Variants in MIOX observed in about 807,000 individuals in gnomAD.
MIOX encodes inositol oxygenase.
In MIOX, 51 loss-of-function variants were observed where a neutral mutation model predicts 42.7. The observed-to-expected ratio is 1.19, with a 90% CI of 0.95 to 1.51. MIOX has a LOEUF of 1.51. Ranked by LOEUF, MIOX falls within the 40% of genes most tolerant of loss-of-function variation. MIOX has a pLI of 0.00. For synonymous variants in MIOX, 168 were observed against 154.4 expected, an observed-to-expected ratio of 1.09 and a Z score of -0.65; for missense variants, 395 against 381.3, an observed-to-expected ratio of 1.04 and a Z score of -0.30.
Position 50,489,123 on chromosome 22 carries a change from C to T in MIOX, c.492C>T (p.Asn164=), listed in dbSNP as rs1286668942. 3 of 1,613,386 alleles carry T rather than the reference C, an allele frequency of 1.9e-6. No individual in the cohort carries two copies. In the Admixed American group the frequency reaches 5.0e-5, roughly 27 times the overall value. ...TCTGCGACTCCACCTTCCAGGACAA[C>T]CCTGACCTCCAGGATCCTCGATACA... ...VVFCDSTFQD[N]PDLQDPRYST... Residue 164 remains asparagine (N), a synonymous_variant, in exon 6 of 10, where the codon AAC becomes AAT. Coordinates refer to ENST00000216075, the MANE Select transcript of MIOX (RefSeq NM_017584.6).
intron 4 of MIOX, 31 bp downstream of exon 4, chr22:50,488,079 G>A (rs779642559): frequency 1.9e-6 from 3 of 1,612,090 alleles, no homozygotes; most frequent in East Asian, 2.2e-5. Context: ...AGGGGGGCAG[G>A]TGCTGCCTCC....
At chr22:50,487,518 C>A (rs1016948793) in intron 2 of MIOX, 53 bp downstream of exon 2, 2 of 1,566,036 alleles carry the variant, frequency 1.3e-6, no homozygotes, top group Non-Finnish European at 1.8e-6. Context: ...CCCTGGGGAG[C>A]AGCACTTGCC....
rs753543773 is a variant in MIOX at position 50,489,316 on chromosome 22, TGGGGCGGTGG to T, written c.586+35_586+44del. The T allele has an allele frequency of 8.6e-5, 72 of 836,542 alleles. No individual in the cohort carries two copies. The East Asian group carries it at 5.3e-3, about 62-fold the overall frequency. 51.8% of individuals were successfully genotyped at this position (836,542 alleles called of 1,614,324 possible). A position where few individuals can be genotyped will look rare whatever the true frequency, so the allele number is the denominator to read the frequency against. ...TGATGGTGAGGCCAGAGGCGGGCAG[TGGGGCGGTGG>T]GGGGCGGTGGGGGACGGTGGGGGGC... On this transcript the variant is annotated intron_variant, in intron 7 of 9. Coordinates refer to ENST00000216075, the MANE Select transcript of MIOX (RefSeq NM_017584.6).
intron 1 of MIOX, 48 bp from the exon 2 acceptor site, chr22:50,487,337 G>A (rs771376615): frequency 3.9e-5 from 58 of 1,500,392 alleles, no homozygotes; most frequent in Non-Finnish European, 4.4e-5. Flanking sequence ...GTGCTTCCTC[G>A]TGGAGCTGAC....
At position 50,489,901 on chromosome 22, in the gene MIOX, C is replaced by T. The variant is rs566911453; in HGVS notation, c.*45C>T. 16 of 1,567,074 alleles carry T rather than the reference C, an allele frequency of 1.0e-5. No homozygotes were observed. The highest frequency in any genetic ancestry group is 6.7e-5 in the East Asian group (3 of 44,694). Reference sequence around the variant, plus strand: ...GCTGCTGGACCTAGGCCTGGCCCTCCGCCTGCCTGGAGAGGCCTGGCCCTG... The same window carrying T: ...GCTGCTGGACCTAGGCCTGGCCCTCTGCCTGCCTGGAGAGGCCTGGCCCTG... On this transcript the variant is annotated 3_prime_UTR_variant, in exon 10 of 10. Coordinates refer to ENST00000216075, the MANE Select transcript of MIOX (RefSeq NM_017584.6).
chr22:50,487,499 C>G (rs1337122463), intron 2 of MIOX, 34 bp downstream of exon 2: 7 of 1,600,190 alleles, frequency 4.4e-6, no homozygotes, highest in Non-Finnish European at 6.0e-6. Context: ...CCCTTCTCCC[C>G]CATCCACACC....
Position 50,489,216 on chromosome 22 carries a change from A to G in MIOX, c.519-12A>G. On this transcript the variant is annotated splice_polypyrimidine_tract_variant and intron_variant, in intron 6 of 9. Transcript: ENST00000216075. ...GCTGCTGAGCCCTCCTCACCCTGGT[A>G]TCTCACTGCAGCACAGAGCTCGGGA... 1 of 1,610,470 alleles carries G rather than the reference A, an allele frequency of 6.2e-7. No homozygotes were observed. The highest frequency in any genetic ancestry group is 8.5e-7 in the Non-Finnish European group (1 of 1,179,702).
At chr22:50,489,204 C>T in intron 6 of MIOX, 24 bp from the exon 7 acceptor site, 1 of 1,611,330 alleles carries the variant, frequency 6.2e-7, no homozygotes, top group East Asian at 2.2e-5. Context: ...GCTGAGCCCT[C>T]CTCACCCTGG....
chr22:50,487,010 C>A, intron 1 of MIOX, 98 bp downstream of exon 1: 1 of 1,499,690 alleles, frequency 6.7e-7, no homozygotes. Flanking sequence ...CAGCCCTCCT[C>A]CTCCGTCCAG....
At chr22:50,487,292 C>G in intron 1 of MIOX, 93 bp from the exon 2 acceptor site, 1 of 1,057,936 alleles carries the variant, frequency 9.5e-7, no homozygotes, top group Non-Finnish European at 1.4e-6. Context: ...CGAGCAGAGG[C>G]AGGCTTGGAG....
Position 50,489,933 on chromosome 22 carries a change from C to A in MIOX, c.*77C>A. On this transcript the variant is annotated 3_prime_UTR_variant, in exon 10 of 10. Coordinates refer to ENST00000216075, the MANE Select transcript of MIOX (RefSeq NM_017584.6). ...CTGGAGAGGCCTGGCCCTGGGCAAACAGCCGCCATCAGGGTTCACCTCGGT... is the reference window on the plus strand; with the variant it reads ...CTGGAGAGGCCTGGCCCTGGGCAAAAAGCCGCCATCAGGGTTCACCTCGGT... The A allele has an allele frequency of 7.2e-7, 1 of 1,386,548 alleles. No individual in the cohort carries two copies. Among genetic ancestry groups the A allele is most frequent in the Non-Finnish European group, 1.0e-6 (1 of 990,216 alleles). The allele number at this position is 1,386,548 out of a possible 1,614,324, so 85.9% of individuals were successfully genotyped here. A position where few individuals can be genotyped will look rare whatever the true frequency, so the allele number is the denominator to read the frequency against.
Position 50,489,541 on chromosome 22 carries a change from A to G in MIOX, c.646A>G (p.Met216Val), listed in dbSNP as rs2068332401. The G allele has an allele frequency of 3.7e-6, 6 of 1,612,558 alleles. No individual in the cohort carries two copies. Among genetic ancestry groups the G allele is most frequent in the Non-Finnish European group, 5.1e-6 (6 of 1,179,868 alleles). ...KFSLPPEAFYMIRFHSFYPWH... is the reference protein window; with the variant it reads ...KFSLPPEAFYVIRFHSFYPWH... ...GTGGCCTTGCCCGCAGGCTTTCTACATGATCCGGTTCCACTCCTTCTACCC... is the reference window on the plus strand; with the variant it reads ...GTGGCCTTGCCCGCAGGCTTTCTACGTGATCCGGTTCCACTCCTTCTACCC... The change falls in exon 9 of 10, where the codon ATG becomes GTG. Residue 216 changes from methionine to valine, a missense_variant. By Grantham distance (21) the Met-to-Val change is conservative. Coordinates refer to ENST00000216075, the MANE Select transcript of MIOX (RefSeq NM_017584.6).
chr22:50,487,166 T>G (rs1404228229), intron 1 of MIOX, among the ~76,000 whole-genome samples: 1 of 152,166 alleles, frequency 6.6e-6, no homozygotes, highest in South Asian at 2.1e-4. Flanking sequence ...CTGCTGACTT[T>G]CGCTTTGCAG....
Position 50,489,543 on chromosome 22 carries a change from G to A in MIOX, c.648G>A (p.Met216Ile). 1 of 1,612,708 alleles carries A rather than the reference G, an allele frequency of 6.2e-7. No homozygotes were observed. The highest frequency in any genetic ancestry group is 8.5e-7 in the Non-Finnish European group (1 of 1,179,866). ...KFSLPPEAFYMIRFHSFYPWH... is the reference protein window; with the variant it reads ...KFSLPPEAFYIIRFHSFYPWH... ...GGCCTTGCCCGCAGGCTTTCTACATGATCCGGTTCCACTCCTTCTACCCCT... is the reference window on the plus strand; with the variant it reads ...GGCCTTGCCCGCAGGCTTTCTACATAATCCGGTTCCACTCCTTCTACCCCT... The change falls in exon 9 of 10, where the codon ATG becomes ATA. Residue 216 changes from methionine to isoleucine, a missense_variant. By Grantham distance (10) the Met-to-Ile change is conservative. Coordinates refer to ENST00000216075, the MANE Select transcript of MIOX (RefSeq NM_017584.6).
rs145084575 is a variant in MIOX at position 50,489,091 on chromosome 22, G to A, written c.460G>A (p.Val154Met). 2.2e-5 allele frequency: 35 copies of A among 1,612,580 alleles called. No homozygotes were observed. The highest frequency in any genetic ancestry group is 5.4e-5 in the African/African-American group (4 of 74,694). The part of the protein sequence containing the change: ...FPVGCRPQAS[V>M]VFCDSTFQDN... ...CGTCGGATGCCGTCCGCAGGCCTCC[G>A]TGGTTTTCTGCGACTCCACCTTCCA... Residue 154 changes from valine (V) to methionine (M), a missense_variant, in exon 6 of 10, where the codon GTG becomes ATG. Physicochemically the swap from Val to Met is conservative, Grantham distance 21. Transcript: ENST00000216075.
At chr22:50,487,021 C>A in intron 1 of MIOX, 109 bp downstream of exon 1, 1 of 1,449,084 alleles carries the variant, frequency 6.9e-7, no homozygotes, top group Non-Finnish European at 9.6e-7. Flanking sequence ...CTCCGTCCAG[C>A]TGGGCAAGAG....
In MIOX at chr22:50,490,164, G is replaced by A. The variant is rs1312443433; in HGVS notation, c.*308G>A. The A allele has an allele frequency of 2.4e-6, 1 of 417,112 alleles. No homozygotes were observed. The highest frequency in any genetic ancestry group is 2.0e-5 in the African/African-American group (1 of 50,068). The allele number at this position is 417,112 out of a possible 1,614,324, so 25.8% of individuals were successfully genotyped here. Reference sequence around the variant, plus strand: ...GTGTGTGTCCCACCACACTGGCCGTGGTAAACATCTGCCCATCCTCCCAGC... The same window carrying A: ...GTGTGTGTCCCACCACACTGGCCGTAGTAAACATCTGCCCATCCTCCCAGC... On this transcript the variant is annotated 3_prime_UTR_variant, in exon 10 of 10. Transcript: ENST00000216075.
At chr22:50,488,674 GT>G (rs2068308787) in intron 5 of MIOX, among the ~76,000 whole-genome samples, 2 of 139,174 alleles carry the variant, frequency 1.4e-5, no homozygotes, top group Admixed American at 7.4e-5. Flanking sequence ...ATGGCCGCCT[GT>G]CCCTCCTGTC....
At position 50,487,680 on chromosome 22, in the gene MIOX, C is replaced by G. The variant is rs375419173; in HGVS notation, c.115C>G (p.Arg39Gly). 4 of 1,613,350 alleles carry G rather than the reference C, an allele frequency of 2.5e-6. No homozygotes were observed. The African/African-American group carries it at 5.4e-5, about 22-fold the overall frequency. ...RNYTSGPLLD[R>G]VFTTYKLMHT... ...CCTGCAGTCAGGTCCCCTCCTGGAC[C>G]GTGTCTTCACCACCTACAAGCTCAT... The change falls in exon 3 of 10, where the codon CGT (arginine) becomes GGT (glycine). Residue 39 changes from arginine (R) to glycine (G), a missense_variant. Transcript: ENST00000216075.
Sources: allele counts gnomAD v4.1 joint callset (sites outside exome capture counted in the v4.1 genomes callset), GRCh38; gene constraint gnomAD v4.1.1; transcripts MANE v1.5; gene names NCBI Gene and HGNC (gene_info 2026-07-23, HGNC 2026-07-21).